Variants in RIC3 observed in about 807,000 individuals in gnomAD.
The protein encoded by RIC3 is RIC3 acetylcholine receptor chaperone.
Under a neutral mutation model 27.3 loss-of-function variants are expected in RIC3, and 28 were observed. The ratio of observed to expected loss-of-function variants is 1.02; its 90% CI spans 0.76 to 1.41. RIC3 has a LOEUF of 1.41. RIC3 is among the 40% of genes most tolerant of loss of function. The pLI is 0.00. For missense variants in RIC3, 501 were observed against 444.7 expected, an observed-to-expected ratio of 1.13 and a Z score of -1.14; for synonymous variants, 184 against 160.4, an observed-to-expected ratio of 1.15 and a Z score of -1.11.
downstream of RIC3, chr11:8,105,280 A>G (rs956609344): frequency 6.6e-6 from 1 of 152,216 alleles, no homozygotes; most frequent in Non-Finnish European, 1.5e-5. Context: ...TAGCTGAATG[A>G]GTCTGCTTTC....
At chr11:8,105,296 G>A (rs1303166105), downstream of RIC3, 1 of 152,186 alleles carries the variant, frequency 6.6e-6, no homozygotes. Context: ...CTTTCACTGT[G>A]ACTGGGACCT....
chr11:8,158,900 T>C (rs1430441308), intron 1 of RIC3, among the ~76,000 whole-genome samples: 3 of 147,462 alleles, frequency 2.0e-5, no homozygotes, highest in African/African-American at 7.6e-5. Flanking sequence ...GCCCAGAGAA[T>C]TTTTGTATTT....
the RIC3 span, chr11:8,098,622 A>G: frequency 1.1e-5 from 7 of 654,694 alleles, no homozygotes; most frequent in South Asian, 1.4e-4. Flanking sequence ...GGATTCAGTG[A>G]GCAGTATGCC....
At chr11:8,166,131 A>G (rs547853129) in intron 1 of RIC3, among the ~76,000 whole-genome samples, 1 of 152,272 alleles carries the variant, frequency 6.6e-6, no homozygotes, top group African/African-American at 2.4e-5. Flanking sequence ...ACCATTGCAT[A>G]CATGTCTCCA....
At chr11:8,136,195 C>T (rs1948390298) in intron 4 of RIC3, among the ~76,000 whole-genome samples, 1 of 152,128 alleles carries the variant, frequency 6.6e-6, no homozygotes, top group South Asian at 2.1e-4. Context: ...TCTGAGGATA[C>T]CCACTCTCTC....
intron 1 of RIC3, among the ~76,000 whole-genome samples, chr11:8,163,242 ACCCC>A (rs1166660389): frequency 4.9e-4 from 75 of 152,236 alleles, no homozygotes; most frequent in Non-Finnish European, 9.1e-4. Context: ...AAAATTCAAT[ACCCC>A]TTCATAATGA....
the RIC3 span, among the ~76,000 whole-genome samples, chr11:8,095,155 C>T: frequency 6.6e-6 from 1 of 152,224 alleles, no homozygotes; most frequent in Non-Finnish European, 1.5e-5. Context: ...TGATTGCTGG[C>T]CTTGCCTATG....
chr11:8,145,152 C>T (rs1368516764), intron 1 of RIC3, among the ~76,000 whole-genome samples: 1 of 137,212 alleles, frequency 7.3e-6, no homozygotes, highest in East Asian at 2.1e-4. Flanking sequence ...GCACAATGTG[C>T]ACATGTACCC....
At chr11:8,105,149 C>T (rs553588399), downstream of RIC3, 1 of 152,324 alleles carries the variant, frequency 6.6e-6, no homozygotes, top group South Asian at 2.1e-4. Context: ...CCTAGATGGA[C>T]TTCCTGGTTT....
rs1004195183 is a variant in RIC3 at position 8,126,650 on chromosome 11, A to C, written c.670+9T>G. 6.2e-7 allele frequency: 1 copy of C among 1,613,476 alleles called. No homozygotes were observed. Among genetic ancestry groups the C allele is most frequent in the Non-Finnish European group, 8.5e-7 (1 of 1,179,688 alleles). ...ACAGCTAACAAAAAAATGAGAAGAC[A>C]CTGTTTACCTTCCCAGTCCTCCATG... On this transcript the variant is annotated intron_variant, in intron 5 of 5. Transcript: ENST00000309737.
At chr11:8,152,743 G>A (rs28446706) in intron 1 of RIC3, among the ~76,000 whole-genome samples, 7,369 of 151,942 alleles carry the variant, frequency 0.048, 266 homozygotes, top group African/African-American at 0.1. Context: ...TGTAAATTAC[G>A]TCTCAATAAA....
chr11:8,166,009 G>A (rs1000146600), intron 1 of RIC3, among the ~76,000 whole-genome samples: 7 of 151,960 alleles, frequency 4.6e-5, no homozygotes, highest in African/African-American at 1.7e-4. Flanking sequence ...AGCTGGTCTC[G>A]AACTCCCAGG....
intron 5 of RIC3, among the ~76,000 whole-genome samples, chr11:8,122,283 A>G (rs183982632): frequency 7.4e-4 from 112 of 152,268 alleles, no homozygotes; most frequent in Middle Eastern, 3.4e-3. Context: ...GCAACAACTA[A>G]TCAGTCCTCT....
chr11:8,131,532 T>C (rs1412141144), intron 4 of RIC3, among the ~76,000 whole-genome samples: 2 of 152,120 alleles, frequency 1.3e-5, no homozygotes, highest in Non-Finnish European at 2.9e-5. Flanking sequence ...GCTCTATATA[T>C]AGAGGTCAGG....
At chr11:8,133,665 C>A (rs1295822840) in intron 4 of RIC3, among the ~76,000 whole-genome samples, 1 of 152,172 alleles carries the variant, frequency 6.6e-6, no homozygotes, top group East Asian at 1.9e-4. Flanking sequence ...GAACCTGTGG[C>A]CCCTGAAATG....
At chr11:8,147,082 A>C (rs1386058817) in intron 1 of RIC3, among the ~76,000 whole-genome samples, 1 of 152,182 alleles carries the variant, frequency 6.6e-6, no homozygotes, top group Non-Finnish European at 1.5e-5. Context: ...GGAAAGGCTA[A>C]TCAGAAATTC....
downstream of RIC3, chr11:8,105,108 T>G (rs1006869422): frequency 6.6e-6 from 1 of 152,222 alleles, no homozygotes; most frequent in Non-Finnish European, 1.5e-5. Flanking sequence ...GCCATTTCCA[T>G]GGCTCTGTTA....
At chr11:8,097,266 A>G in the RIC3 span, 1 of 1,614,170 alleles carries the variant, frequency 6.2e-7, no homozygotes, top group Non-Finnish European at 8.5e-7. Flanking sequence ...CTCCAGAGCA[A>G]CCAGTGGACG....
In RIC3 at chr11:8,137,379, T is replaced by C. The variant is rs1157307393; in HGVS notation, c.520A>G (p.Ser174Gly). ...LINRVGPNGE[S>G]RAQTVTSDQE... ...GAGTCCCGTTACATGAAAACCTACC[T>C]CTCACCATTAGGTCCCACTCTGTTG... Residue 174 changes from serine to glycine, a missense_variant and splice_region_variant, in exon 4 of 6, where the codon AGC becomes GGC. Ser to Gly is a moderately conservative substitution (Grantham distance 56, BLOSUM62 0). Coordinates refer to ENST00000309737, the MANE Select transcript of RIC3 (RefSeq NM_001206671.4). 6.2e-7 allele frequency: 1 copy of C among 1,612,736 alleles called. No homozygotes were observed. The highest frequency in any genetic ancestry group is 1.3e-5 in the African/African-American group (1 of 75,024).
Sources: allele counts gnomAD v4.1 joint callset (sites outside exome capture counted in the v4.1 genomes callset), GRCh38; gene constraint gnomAD v4.1.1; transcripts MANE v1.5; gene names NCBI Gene and HGNC (gene_info 2026-07-23, HGNC 2026-07-21).